The following ANXA11 variants were observed in gnomAD, a reference collection of about 807,000 sequenced individuals.
ANXA11 encodes the protein 56 kDa autoantigen.
A neutral mutation model predicts 64.7 loss-of-function variants in ANXA11; 57 were observed. The ratio of observed to expected loss-of-function variants is 0.88; its 90% confidence interval spans 0.71 to 1.10. The LOEUF (loss-of-function observed/expected upper bound fraction) is 1.10, where lower values mean the gene tolerates loss of function less well. ANXA11 is among the 50% of genes least tolerant of loss of function. The pLI is 0.00. For synonymous variants in ANXA11, 260 were observed against 265.2 expected, an observed-to-expected ratio of 0.98 and a Z score of 0.19; for missense variants, 675 against 670.7, an observed-to-expected ratio of 1.01 and a Z score of -0.07.
chr10:80,162,273 C>A (rs762728721), intron 11 of ANXA11, among the ~76,000 whole-genome samples: 1 of 152,248 alleles, frequency 6.6e-6, no homozygotes, highest in South Asian at 2.1e-4. Flanking sequence ...CAGCTCTGGA[C>A]TGAGAAGGCA....
chr10:80,205,171 C>A (rs1840616110), intron 1 of ANXA11, among the ~76,000 whole-genome samples, 172 bp downstream of exon 1: 1 of 152,190 alleles, frequency 6.6e-6, no homozygotes, highest in South Asian at 2.1e-4. Context: ...GGCCCGCCCG[C>A]GACCCGCCGA....
chr10:80,160,592 C>T (rs961557851), intron 12 of ANXA11, among the ~76,000 whole-genome samples: 5 of 152,152 alleles, frequency 3.3e-5, no homozygotes, highest in African/African-American at 1.2e-4. Flanking sequence ...CTCCAGGACC[C>T]CCTTCCTCTG....
chr10:80,157,777 A>C lies in ANXA11; in HGVS notation c.1336-14T>G. The C allele has an allele frequency of 6.2e-7, 1 of 1,608,892 alleles. No homozygotes were observed. Among genetic ancestry groups the C allele is most frequent in the Non-Finnish European group, 8.5e-7 (1 of 1,176,570 alleles). On this transcript the variant is annotated splice_polypyrimidine_tract_variant and intron_variant, in intron 14 of 15. Transcript: ENST00000422982. ...TGTTCCTGCCCCCTAAAGAGAGTCC[A>C]CCCAAGAGCATGAGCACCAGGCCTC...
chr10:80,166,563 A>G, intron 7 of ANXA11: 1 of 454,212 alleles, frequency 2.2e-6, no homozygotes, highest in Admixed American at 3.9e-5. Flanking sequence ...TTCCCTGCAA[A>G]GCTCTTACAT....
chr10:80,168,578 GGAGT>G (rs1452745773), intron 5 of ANXA11, among the ~76,000 whole-genome samples: 3 of 152,136 alleles, frequency 2.0e-5, no homozygotes, highest in African/African-American at 7.2e-5. Flanking sequence ...CACCTAGGCT[GGAGT>G]GAGTGCAGCG....
intron 1 of ANXA11, among the ~76,000 whole-genome samples, chr10:80,194,528 G>C (rs924799623): frequency 4.6e-5 from 7 of 152,284 alleles, no homozygotes; most frequent in Non-Finnish European, 7.4e-5. Flanking sequence ...AAGAGTCGGG[G>C]GGGGAAGACA....
At chr10:80,176,213 TAAA>T (rs1846162908) in intron 1 of ANXA11, 58 bp from the exon 2 acceptor site, 1 of 152,366 alleles carries the variant, frequency 6.6e-6, no homozygotes, top group African/African-American at 2.4e-5. Flanking sequence ...CAACAACTCC[TAAA>T]CCTCCACCAA....
intron 3 of ANXA11, chr10:80,171,514 G>A (rs1213786313): frequency 4.4e-6 from 3 of 682,736 alleles, no homozygotes; most frequent in South Asian, 1.3e-4. Flanking sequence ...TGTGCCCTGG[G>A]GCAAGGCTTT....
chr10:80,157,256 G>A (rs1301344951), intron 15 of ANXA11: 8 of 985,322 alleles, frequency 8.1e-6, no homozygotes, highest in East Asian at 1.1e-4. Flanking sequence ...TGTGGCCTAC[G>A]CCATAAAGCT....
At position 80,159,142 on chromosome 10, in the gene ANXA11, GGCA is replaced by G. The variant is rs748028317; in HGVS notation, c.1231_1233del (p.Cys411del). The G allele has an allele frequency of 6.2e-7, 1 of 1,613,928 alleles. No homozygotes were observed. On this transcript the variant is annotated inframe_deletion, in exon 13 of 16. Transcript: ENST00000422982. ...TCCTCCAGGTCCCCGGACATCTCCCGGCAGATGCTCTTCTCAATGTCCCGGCCT... is the reference window on the plus strand; with the variant it reads ...TCCTCCAGGTCCCCGGACATCTCCCGGATGCTCTTCTCAATGTCCCGGCCT...
rs1845157144 is a variant in ANXA11, at chr10:80,151,529, A to G, written c.*4324T>C. The G allele has an allele frequency of 6.6e-6, 1 of 152,220 alleles. No homozygotes were observed. The highest frequency in any genetic ancestry group is 6.5e-5 in the Admixed American group (1 of 15,278). 9.4% of individuals were successfully genotyped at this position (152,220 alleles called of 1,614,324 possible). On this transcript the variant is annotated 3_prime_UTR_variant, in exon 16 of 16. Transcript: ENST00000422982. Reference sequence around the variant, plus strand: ...TCCACTCCATCTCGGCCAGGGCAGGAAAGAGCCTACAGCAGAAATAAGGAG... The same window carrying G: ...TCCACTCCATCTCGGCCAGGGCAGGGAAGAGCCTACAGCAGAAATAAGGAG...
chr10:80,180,318 C>T (rs892080244), intron 1 of ANXA11, among the ~76,000 whole-genome samples: 1 of 152,188 alleles, frequency 6.6e-6, no homozygotes, highest in Admixed American at 6.5e-5. Context: ...AGGCCATGCA[C>T]ATTTGCTGGT....
At chr10:80,187,583 T>G (rs920378771) in intron 1 of ANXA11, among the ~76,000 whole-genome samples, 1 of 151,914 alleles carries the variant, frequency 6.6e-6, no homozygotes, top group Non-Finnish European at 1.5e-5. Flanking sequence ...TCTCTCTCTC[T>G]CACACACTCC....
At chr10:80,160,117 T>A (rs568301746) in intron 12 of ANXA11, among the ~76,000 whole-genome samples, 108 of 152,382 alleles carry the variant, frequency 7.1e-4, no homozygotes, top group Non-Finnish European at 2.4e-4. Flanking sequence ...ACCATTTGCA[T>A]TTTAAAGTTG....
At position 80,151,547 on chromosome 10, in the gene ANXA11, A is replaced by G. The variant is rs1474399240; in HGVS notation, c.*4306T>C. 6.6e-6 allele frequency: 1 copy of G among 152,222 alleles called. No homozygotes were observed. The highest frequency in any genetic ancestry group is 1.5e-5 in the Non-Finnish European group (1 of 68,050). 9.4% of individuals were successfully genotyped at this position (152,222 alleles called of 1,614,324 possible). On this transcript the variant is annotated 3_prime_UTR_variant, in exon 16 of 16. Coordinates refer to ENST00000422982, the MANE Select transcript of ANXA11 (RefSeq NM_145868.2). The stretch of plus-strand genomic sequence containing the variant: ...GGGCAGGAAAGAGCCTACAGCAGAA[A>G]TAAGGAGCCAGGTCCTAAGGTAGGG...
At chr10:80,169,391 T>C (rs1564611096) in intron 4 of ANXA11, 33 bp from the exon 5 acceptor site, 4 of 1,598,370 alleles carry the variant, frequency 2.5e-6, no homozygotes, top group African/African-American at 2.7e-5. Flanking sequence ...CTGAGGCCAA[T>C]GGGCCCTGCT....
intron 1 of ANXA11, among the ~76,000 whole-genome samples, chr10:80,192,403 G>A (rs1481118077): frequency 6.6e-6 from 1 of 151,650 alleles, no homozygotes; most frequent in East Asian, 1.9e-4. Context: ...CAGAAGAAAA[G>A]GAACCAAAGA....
At chr10:80,196,311 TACAGGCTGTAGG>T (rs1216406042) in intron 1 of ANXA11, among the ~76,000 whole-genome samples, 2 of 152,296 alleles carry the variant, frequency 1.3e-5, no homozygotes, top group South Asian at 4.1e-4. Flanking sequence ...GCATCAGTGC[TACAGGCTGTAGG>T]ACAGGCCTCT....
At chr10:80,186,721 C>T (rs1040466638) in intron 1 of ANXA11, among the ~76,000 whole-genome samples, 13 of 152,324 alleles carry the variant, frequency 8.5e-5, no homozygotes, top group African/African-American at 2.9e-4. Flanking sequence ...GCCTGCCTCT[C>T]CAGACCAGGT....
Sources: allele counts gnomAD v4.1 joint callset (sites outside exome capture counted in the v4.1 genomes callset), GRCh38; gene constraint gnomAD v4.1.1; transcripts MANE v1.5; gene names NCBI Gene and HGNC (gene_info 2026-07-23, HGNC 2026-07-21).